The following CPVL variants were observed in gnomAD, a reference collection of about 807,000 sequenced individuals.
The protein encoded by CPVL is carboxypeptidase vitellogenic like, also known as probable serine carboxypeptidase CPVL.
Under a neutral mutation model 63.7 loss-of-function variants are expected in CPVL, and 51 were observed. The ratio of observed to expected loss-of-function variants is 0.80; its 90% CI spans 0.64 to 1.01. CPVL has a LOEUF of 1.01. Among genes scored for constraint, CPVL ranks in the 50% least tolerant of loss-of-function variants. The pLI is 0.00. For missense variants in CPVL, 530 were observed against 573.1 expected, an observed-to-expected ratio of 0.92 and a Z score of 0.77; for synonymous variants, 195 against 206.0, an observed-to-expected ratio of 0.95 and a Z score of 0.46.
At chr7:29,035,677 C>T (rs373630550) in intron 11 of CPVL, among the ~76,000 whole-genome samples, 55 of 152,302 alleles carry the variant, frequency 3.6e-4, no homozygotes, top group African/African-American at 1.2e-3. Context: ...GCCTGGTACC[C>T]CATAAAACCG....
intron 12 of CPVL, among the ~76,000 whole-genome samples, chr7:29,028,546 G>A (rs891186033): frequency 1.3e-5 from 2 of 152,188 alleles, no homozygotes; most frequent in East Asian, 3.8e-4. Context: ...TCAATAGAGT[G>A]AAGAGACAAC....
chr7:29,061,980 A>G (rs1226138062), intron 11 of CPVL, among the ~76,000 whole-genome samples: 1 of 151,674 alleles, frequency 6.6e-6, no homozygotes, highest in Non-Finnish European at 1.5e-5. Context: ...GTGAGAAAAT[A>G]TATCTCCCAA....
At chr7:29,175,692 T>C (rs887000972) in intron 5 of CPVL, among the ~76,000 whole-genome samples, 2 of 152,002 alleles carry the variant, frequency 1.3e-5, no homozygotes, top group Non-Finnish European at 2.9e-5. Flanking sequence ...GATAAATTGA[T>C]TGATAGCCAA....
At chr7:29,044,633 T>C (rs1233572221) in intron 11 of CPVL, among the ~76,000 whole-genome samples, 1 of 152,196 alleles carries the variant, frequency 6.6e-6, no homozygotes, top group South Asian at 2.1e-4. Flanking sequence ...GGAATAAAGA[T>C]GGAGTAGCCA....
intron 5 of CPVL, among the ~76,000 whole-genome samples, chr7:29,152,716 T>G (rs760347160): frequency 6.6e-6 from 1 of 152,240 alleles, no homozygotes; most frequent in Non-Finnish European, 1.5e-5. Flanking sequence ...GCTCTTTTGC[T>G]CTGAGACGGT....
intron 11 of CPVL, among the ~76,000 whole-genome samples, chr7:29,062,655 G>A (rs756217423): frequency 4.1e-4 from 63 of 152,274 alleles, no homozygotes; most frequent in African/African-American, 1.3e-3. Context: ...GGACTGCCTG[G>A]ATAGTATTGC....
chr7:29,190,658 C>T (rs1782771298), intron 1 of CPVL, among the ~76,000 whole-genome samples: 2 of 152,200 alleles, frequency 1.3e-5, no homozygotes, highest in Non-Finnish European at 2.9e-5. Context: ...TTCACCGTTT[C>T]AGTCTTTTTT....
At chr7:29,035,764 G>C (rs1430282790) in intron 11 of CPVL, among the ~76,000 whole-genome samples, 1 of 152,174 alleles carries the variant, frequency 6.6e-6, no homozygotes. Context: ...TGCTGCTTTT[G>C]CATGCCCAGG....
At chr7:29,143,540 C>A (rs1259655800) in intron 1 of CPVL, among the ~76,000 whole-genome samples, 2 of 151,984 alleles carry the variant, frequency 1.3e-5, no homozygotes, top group African/African-American at 4.8e-5. Flanking sequence ...AAGAATCATA[C>A]AGTACAAAAA....
At chr7:29,033,326 G>C (rs933804457) in intron 11 of CPVL, among the ~76,000 whole-genome samples, 4 of 152,170 alleles carry the variant, frequency 2.6e-5, no homozygotes, top group African/African-American at 9.7e-5. Flanking sequence ...CTAGGACCCA[G>C]TGGCTGAGCA....
At chr7:29,051,935 A>AAT (rs1369633284) in intron 11 of CPVL, among the ~76,000 whole-genome samples, 1 of 91,952 alleles carries the variant, frequency 1.1e-5, no homozygotes, top group South Asian at 4.1e-4. Context: ...ATATATTCCA[A>AAT]ATATATATAT....
intron 5 of CPVL, among the ~76,000 whole-genome samples, chr7:29,156,368 A>G (rs1794373571): frequency 6.6e-6 from 1 of 152,178 alleles, no homozygotes; most frequent in South Asian, 2.1e-4. Context: ...GATATGAAGG[A>G]CACATTTTAA....
intron 12 of CPVL, chr7:29,009,840 A>G (rs1049712285): frequency 6.6e-6 from 1 of 152,180 alleles, no homozygotes; most frequent in African/African-American, 2.4e-5. Context: ...GGTGAGTACA[A>G]AAGTGTTCAT....
At chr7:29,055,482 C>T (rs7799179) in intron 11 of CPVL, among the ~76,000 whole-genome samples, 113,202 of 152,120 alleles carry the variant, frequency 0.74, 42,786 homozygotes, top group African/African-American at 0.86. Flanking sequence ...AACTCCTGAC[C>T]TCAGGTCATG....
In CPVL at chr7:29,064,060, CCTTAT is replaced by C. The variant is rs749642830; in HGVS notation, c.1133_1137del (p.Tyr378CysfsTer44). The C allele has an allele frequency of 7.1e-5, 114 of 1,605,474 alleles. 1 individual carries two copies. Among genetic ancestry groups the C allele is most frequent in the Middle Eastern group, 3.3e-4 (2 of 6,024 alleles). On this transcript the variant is annotated frameshift_variant and splice_region_variant, in exon 11 of 13. Coordinates refer to ENST00000265394, the MANE Select transcript of CPVL (RefSeq NM_031311.5). LOFTEE classifies it high-confidence loss of function. ...AATAGTAACTGAAGTAGCTCTCTTA[CCTTAT>C]AATTATTCATGATTTCAGTTAACCA... is the stretch of plus-strand genomic sequence containing the variant.
intron 7 of CPVL, among the ~76,000 whole-genome samples, chr7:29,075,875 T>C (rs760289945): frequency 2.4e-4 from 37 of 151,920 alleles, no homozygotes; most frequent in Non-Finnish European, 3.5e-4. Context: ...GAGAAGACAA[T>C]TATAGAATTA....
chr7:28,999,154 G>C (rs555895836), intron 12 of CPVL, among the ~76,000 whole-genome samples: 23 of 151,364 alleles, frequency 1.5e-4, no homozygotes, highest in Admixed American at 1.2e-3. Flanking sequence ...AGAGGTTGCA[G>C]TGAGCTAAGA....
At chr7:29,169,692 C>T (rs1028276419) in intron 5 of CPVL, among the ~76,000 whole-genome samples, 9 of 152,064 alleles carry the variant, frequency 5.9e-5, no homozygotes, top group Non-Finnish European at 1.3e-4. Flanking sequence ...CTTTTCTTCT[C>T]AGGGCCTGCT....
At chr7:29,060,817 G>C (rs1791199874) in intron 11 of CPVL, among the ~76,000 whole-genome samples, 1 of 152,160 alleles carries the variant, frequency 6.6e-6, no homozygotes, top group Non-Finnish European at 1.5e-5. Flanking sequence ...AAACAGGCAT[G>C]CTATTTTCTA....
Sources: gnomAD v4.1 joint callset for allele counts (sites outside exome capture counted in the v4.1 genomes callset) on GRCh38, gnomAD v4.1.1 for gene constraint, MANE v1.5 for transcripts, NCBI Gene and HGNC (gene_info 2026-07-23, HGNC 2026-07-21) for gene names.